RBFOX3: variants seen among roughly 807,000 people sequenced by gnomAD.
The protein encoded by RBFOX3 is RNA binding protein fox-1 homolog 3.
Under a neutral mutation model 48.7 loss-of-function variants are expected in RBFOX3, and 17 were observed. The ratio of observed to expected loss-of-function variants is 0.35; its 90% CI spans 0.24 to 0.52. The LOEUF (loss-of-function observed/expected upper bound fraction) is 0.52. RBFOX3 is among the 20% of genes least tolerant of loss of function. The probability of loss-of-function intolerance (pLI) is 0.94; values close to 1 mark genes in which losing one functional copy is unlikely to be tolerated. For missense variants in RBFOX3, 382 were observed against 497.5 expected (o/e 0.77, Z 2.21); for synonymous variants, 212 against 209.5 (o/e 1.01, Z -0.10).
At chr17:79,548,483 C>T (rs183791176) in intron 1 of RBFOX3, among the ~76,000 whole-genome samples, 8 of 152,390 alleles carry the variant, frequency 5.2e-5, no homozygotes, top group African/African-American at 1.9e-4. Flanking sequence ...ACCCCCAAAG[C>T]CTGTGCACTT....
At chr17:79,445,846 G>A (rs954052246) in intron 2 of RBFOX3, among the ~76,000 whole-genome samples, 3 of 152,212 alleles carry the variant, frequency 2.0e-5, no homozygotes, top group African/African-American at 4.8e-5. Context: ...GTTTTGCAGA[G>A]GGCAGGGGCT....
chr17:79,389,535 G>T (rs1166283032), intron 2 of RBFOX3, among the ~76,000 whole-genome samples: 1 of 152,188 alleles, frequency 6.6e-6, no homozygotes, highest in Non-Finnish European at 1.5e-5. Context: ...AGTTCCTTTG[G>T]AAGAGCCTAT....
intron 4 of RBFOX3, among the ~76,000 whole-genome samples, chr17:79,170,412 G>A (rs1050454202): frequency 6.6e-6 from 1 of 152,110 alleles, no homozygotes; most frequent in African/African-American, 2.4e-5. Flanking sequence ...CTGAGGGAGG[G>A]CTCCAGGGCC....
intron 3 of RBFOX3, among the ~76,000 whole-genome samples, chr17:79,240,532 G>A (rs1426567362): frequency 6.6e-6 from 1 of 152,216 alleles, no homozygotes; most frequent in Non-Finnish European, 1.5e-5. Context: ...AGCATCTACT[G>A]TGTCAGGCAC....
chr17:79,472,426 T>C (rs1456778586), intron 2 of RBFOX3, among the ~76,000 whole-genome samples: 2 of 152,158 alleles, frequency 1.3e-5, no homozygotes, highest in East Asian at 1.9e-4. Flanking sequence ...TATTTGGAGA[T>C]AGGACCCTTA....
chr17:79,504,556 T>C (rs1555778147), intron 1 of RBFOX3, among the ~76,000 whole-genome samples: 1 of 152,204 alleles, frequency 6.6e-6, no homozygotes, highest in Non-Finnish European at 1.5e-5. Flanking sequence ...GCCTGCCTCT[T>C]CCAGCCTCTG....
chr17:79,510,472 A>G (rs2083961588), intron 1 of RBFOX3, among the ~76,000 whole-genome samples: 1 of 152,140 alleles, frequency 6.6e-6, no homozygotes, highest in African/African-American at 2.4e-5. Context: ...ACCAAATCCC[A>G]TAACCTTCAT....
At chr17:79,465,509 C>T (rs371274921) in intron 2 of RBFOX3, among the ~76,000 whole-genome samples, 3 of 151,644 alleles carry the variant, frequency 2.0e-5, no homozygotes, top group Admixed American at 2.0e-4. Context: ...CATCTGTTCC[C>T]GTTAGAAAAT....
rs116198537 is a variant in RBFOX3, at chr17:79,361,523, G to A, written c.-174-53699C>T. Among the ~76,000 whole-genome samples the A allele has an allele frequency of 4.9e-4, 74 of 152,330 alleles. No individual in the cohort carries two copies. The highest frequency in any genetic ancestry group is 1.8e-3 in the African/African-American group (74 of 41,576). ...CACCTCCTGCCCCTGAGCCCGCGTG[G>A]CTCTCTGTGCCACAGCTGGAGAGGG... On this transcript the variant is annotated intron_variant, in intron 2 of 14. Transcript: ENST00000693108. The surrounding 1 kb of genome is among the most constrained non-coding windows in gnomAD (Gnocchi z 4.5).
intron 2 of RBFOX3, among the ~76,000 whole-genome samples, chr17:79,356,312 G>A (rs932523704): frequency 3.2e-4 from 46 of 142,994 alleles, no homozygotes; most frequent in African/African-American, 7.9e-4. Context: ...TACCTCTGCC[G>A]TGAGGCACGT....
intron 4 of RBFOX3, among the ~76,000 whole-genome samples, chr17:79,153,605 A>C (rs2045086148): frequency 6.6e-6 from 1 of 152,176 alleles, no homozygotes; most frequent in Admixed American, 6.5e-5. Context: ...GAGAACACCA[A>C]GCTCCCAGAT....
At chr17:79,171,495 C>T (rs948324176) in intron 4 of RBFOX3, among the ~76,000 whole-genome samples, 2 of 152,158 alleles carry the variant, frequency 1.3e-5, no homozygotes, top group Admixed American at 1.3e-4. Flanking sequence ...AACAAATGAG[C>T]GTGGCTGTGT....
chr17:79,209,383 C>A (rs1305847093), intron 4 of RBFOX3, among the ~76,000 whole-genome samples: 1 of 152,258 alleles, frequency 6.6e-6, no homozygotes, highest in Non-Finnish European at 1.5e-5. Context: ...CCTGTTGTGT[C>A]TCCAGGGCTG....
chr17:79,449,082 C>A (rs2072944242), intron 2 of RBFOX3, among the ~76,000 whole-genome samples: 1 of 152,118 alleles, frequency 6.6e-6, no homozygotes, highest in Non-Finnish European at 1.5e-5. Flanking sequence ...AGAGCCCAGA[C>A]CCCTCTTCCT....
intron 2 of RBFOX3, among the ~76,000 whole-genome samples, chr17:79,310,759 A>G (rs746425196): frequency 6.6e-6 from 1 of 152,192 alleles, no homozygotes; most frequent in Non-Finnish European, 1.5e-5. Flanking sequence ...GGCATTAAAC[A>G]TCTAATGCAA....
At chr17:79,383,031 A>AACACAAACACAC (rs2060119184) in intron 2 of RBFOX3, among the ~76,000 whole-genome samples, 1 of 141,302 alleles carries the variant, frequency 7.1e-6, no homozygotes, top group African/African-American at 2.8e-5. Context: ...CTGCCTCTCA[A>AACACAAACACAC]ACACACACAC....
chr17:79,221,020 A>G (rs2059662843), intron 4 of RBFOX3, among the ~76,000 whole-genome samples: 1 of 152,204 alleles, frequency 6.6e-6, no homozygotes, highest in African/African-American at 2.4e-5. Flanking sequence ...AGGGACTCCG[A>G]TACCTTCTCC....
At chr17:79,579,827 TG>T (rs1185414284) in intron 1 of RBFOX3, among the ~76,000 whole-genome samples, 1 of 89,274 alleles carries the variant, frequency 1.1e-5, no homozygotes, top group African/African-American at 4.7e-5. Context: ...GGCGCTGTGG[TG>T]GGGAGTCACT....
In RBFOX3 at chr17:79,441,705, C is replaced by T. The variant is rs547815084; in HGVS notation, c.-175+40749G>A. On this transcript the variant is annotated intron_variant, in intron 2 of 14. Transcript: ENST00000693108. Reference sequence around the variant, plus strand: ...AGTGTGCGGTCATCAGTTACAGCAACCCCCAGAAAGCAGTGCTGCGTCCTT... The same window carrying T: ...AGTGTGCGGTCATCAGTTACAGCAATCCCCAGAAAGCAGTGCTGCGTCCTT... 2.0e-5 allele frequency among the ~76,000 whole-genome samples: 3 copies of T among 152,324 alleles called. No homozygotes were observed. In the South Asian group the frequency reaches 6.2e-4, roughly 32 times the overall value.
Sources: gnomAD v4.1 joint callset for allele counts (sites outside exome capture counted in the v4.1 genomes callset) on GRCh38, gnomAD v4.1.1 for gene constraint, Gnocchi (gnomAD v3.1) non-coding constraint, MANE v1.5 for transcripts, NCBI Gene and HGNC (gene_info 2026-07-23, HGNC 2026-07-21) for gene names.